Variants in SYT7 observed in about 807,000 individuals in gnomAD.
SYT7 encodes synaptotagmin-7.
Under a neutral mutation model 75.1 loss-of-function variants are expected in SYT7, and 29 were observed. The observed-to-expected ratio is 0.39, with a 90% CI of 0.29 to 0.53. SYT7 has a LOEUF of 0.53. SYT7 is among the 20% of genes least tolerant of loss of function. The pLI is 0.77. For missense variants in SYT7, 693 were observed against 953.2 expected (o/e 0.73, Z 3.59); for synonymous variants, 376 against 401.7 (o/e 0.94, Z 0.76).
Position 61,517,173 on chromosome 11 carries a change from A to C in SYT7, c.*1454T>G. On this transcript the variant is annotated 3_prime_UTR_variant, in exon 13 of 13. Transcript: ENST00000539008. ...CCCCAGGATTGGAGGCTTTGTCACC[A>C]GCTGGGTCTTGTATCAATACCAGGA... 2.5e-6 allele frequency: 1 copy of C among 398,340 alleles called. No homozygotes were observed. The highest frequency in any genetic ancestry group is 4.4e-6 in the Non-Finnish European group (1 of 226,006). 24.7% of individuals were successfully genotyped at this position (398,340 alleles called of 1,614,324 possible). A position where few individuals can be genotyped will look rare whatever the true frequency, so the allele number is the denominator to read the frequency against.
chr11:61,565,191 T>C (rs2063736303), intron 1 of SYT7, among the ~76,000 whole-genome samples: 1 of 152,030 alleles, frequency 6.6e-6, no homozygotes, highest in East Asian at 1.9e-4. Context: ...TGGGAAACAG[T>C]GAAAGCTGGA....
In SYT7 at chr11:61,553,202, A is replaced by G. The variant is rs1487723383; in HGVS notation, c.136-1739T>C. ...TCACTACCCAGAGGTCCAAATCTCA[A>G]ACAATTCCCAGTTCCAACTGGGAAG... On this transcript the variant is annotated intron_variant, in intron 2 of 12. Transcript: ENST00000539008. This position sits in a 1 kb window ranked among gnomAD's most constrained non-coding sequence, Gnocchi z 5.2. 6.6e-6 allele frequency among the ~76,000 whole-genome samples: 1 copy of G among 152,234 alleles called. No individual in the cohort carries two copies. Among genetic ancestry groups the G allele is most frequent in the Non-Finnish European group, 1.5e-5 (1 of 68,040 alleles).
rs560933104 is a variant in SYT7 at position 61,517,691 on chromosome 11, C to T, written c.*936G>A. On this transcript the variant is annotated 3_prime_UTR_variant, in exon 13 of 13. Coordinates refer to ENST00000539008, the MANE Select transcript of SYT7 (RefSeq NM_001365809.2). ...AGTTAGGGCAAAGCTAGTCGGGGCT[C>T]GGGACCCCCTGAGAAGGAAGGGAGA... The T allele has an allele frequency of 1.2e-4, 47 of 397,964 alleles. No homozygotes were observed. Among genetic ancestry groups the T allele is most frequent in the Admixed American group, 6.6e-4 (15 of 22,706 alleles). 24.7% of individuals were successfully genotyped at this position (397,964 alleles called of 1,614,324 possible).
chr11:61,514,342 G>T lies in SYT7; in HGVS notation c.*4285C>A, dbSNP rs1304662813. On this transcript the variant is annotated 3_prime_UTR_variant, in exon 13 of 13. Coordinates refer to ENST00000539008, the MANE Select transcript of SYT7 (RefSeq NM_001365809.2). ...GAGATCAGAAGTGATATCTAAACCA[G>T]GTTGTGGGAAATGAGGGACAGACAG... Among the ~76,000 whole-genome samples, 3 of 152,222 alleles carry T rather than the reference G, an allele frequency of 2.0e-5. No individual in the cohort carries two copies. Among genetic ancestry groups the T allele is most frequent in the African/African-American group, 7.2e-5 (3 of 41,458 alleles).
rs1238692074 is a variant in SYT7, at chr11:61,514,263, G to A, written c.*4364C>T. On this transcript the variant is annotated 3_prime_UTR_variant, in exon 13 of 13. Coordinates refer to ENST00000539008, the MANE Select transcript of SYT7 (RefSeq NM_001365809.2). The stretch of plus-strand genomic sequence containing the variant: ...CGCCTGAACAGAAGCTCTGGCCAAG[G>A]GAGCCCCTGAGGCTACTTACCTGAC... Among the ~76,000 whole-genome samples the A allele has an allele frequency of 6.6e-6, 1 of 152,246 alleles. No homozygotes were observed. The highest frequency in any genetic ancestry group is 2.4e-5 in the African/African-American group (1 of 41,466).
chr11:61,577,692 T>C (rs2064122403), intron 1 of SYT7, among the ~76,000 whole-genome samples: 1 of 152,054 alleles, frequency 6.6e-6, no homozygotes, highest in East Asian at 1.9e-4. Context: ...CCTAGTGGAG[T>C]GTCTGTAGGG....
In SYT7 at chr11:61,581,036, A is replaced by G. The variant is rs1453671152; in HGVS notation, c.-216T>C. 1 of 759,268 alleles carries G rather than the reference A, an allele frequency of 1.3e-6. No individual in the cohort carries two copies. Among genetic ancestry groups the G allele is most frequent in the Non-Finnish European group, 1.6e-6 (1 of 629,154 alleles). The allele number at this position is 759,268 out of a possible 1,614,324, so 47.0% of individuals were successfully genotyped here. On this transcript the variant is annotated 5_prime_UTR_variant, in exon 1 of 13. Transcript: ENST00000539008. ...GAGCACGCTGCCGCCGCCGCCGAAC[A>G]GCGCCGAGCCGCCTCCCTCCGGCCT...
chr11:61,545,930 C>A, intron 5 of SYT7, 101 bp downstream of exon 5: 1 of 1,116,134 alleles, frequency 9.0e-7, no homozygotes, highest in Non-Finnish European at 1.3e-6. Context: ...GAGGACGGCA[C>A]CTCTGGGGGC....
At position 61,523,126 on chromosome 11, in the gene SYT7, G is replaced by A. The variant is rs1018172501; in HGVS notation, c.1905C>T (p.Ile635=). 5 of 1,614,080 alleles carry A rather than the reference G, an allele frequency of 3.1e-6. No homozygotes were observed. The African/African-American group carries it at 4.0e-5, about 13-fold the overall frequency. The stretch of plus-strand genomic sequence containing the variant: ...GCTTGTCCTTGTCCATGACAGTGAT[G>A]ATGATGGTCGTCTCCCTCAGCTTCT... ...PTEKLRETTI[I]ITVMDKDKLS... Residue 635 remains isoleucine, a synonymous_variant, in exon 12 of 13, where the codon ATC becomes ATT. Transcript: ENST00000539008. The surrounding 1 kb of genome is among the most constrained non-coding windows in gnomAD (Gnocchi z 5.0).
intron 3 of SYT7, among the ~76,000 whole-genome samples, chr11:61,549,843 C>T (rs1011948902): frequency 3.9e-5 from 6 of 152,190 alleles, no homozygotes; most frequent in African/African-American, 9.7e-5. Context: ...CAGCCTGCTG[C>T]CCGCCCTCCC....
At chr11:61,525,913 A>G (rs2062499915) in intron 9 of SYT7, 1 of 152,604 alleles carries the variant, frequency 6.6e-6, no homozygotes, top group Non-Finnish European at 1.5e-5. Flanking sequence ...GGGCCAGGTG[A>G]AGGTCTGAAG....
intron 1 of SYT7, among the ~76,000 whole-genome samples, chr11:61,579,435 G>A (rs1290425294): frequency 3.3e-5 from 5 of 152,246 alleles, no homozygotes. Flanking sequence ...TCCAGAGAAG[G>A]AGACTGAATC....
intron 1 of SYT7, among the ~76,000 whole-genome samples, chr11:61,557,334 TG>T (rs1406402573): frequency 1.3e-5 from 2 of 152,222 alleles, no homozygotes; most frequent in Admixed American, 1.3e-4. Context: ...CCAGTGATCA[TG>T]GTAATTAAGA....
chr11:61,545,810 A>G (rs1321081881), intron 5 of SYT7, among the ~76,000 whole-genome samples: 2 of 152,216 alleles, frequency 1.3e-5, no homozygotes, highest in Non-Finnish European at 2.9e-5. Context: ...GAAGGGACTG[A>G]TGGGGCATCA....
At chr11:61,574,792 C>T (rs907741906) in intron 1 of SYT7, among the ~76,000 whole-genome samples, 10 of 152,160 alleles carry the variant, frequency 6.6e-5, no homozygotes, top group South Asian at 4.1e-4. Context: ...TGCTGGCCGC[C>T]GCTCTCTGGC....
chr11:61,530,816 C>T, intron 8 of SYT7: 1 of 985,398 alleles, frequency 1.0e-6, no homozygotes, highest in Non-Finnish European at 1.2e-6. Flanking sequence ...CTTCTTAAGC[C>T]ACAACCCTGA....
At chr11:61,562,408 CAT>C (rs2063661582) in intron 1 of SYT7, among the ~76,000 whole-genome samples, 1 of 152,144 alleles carries the variant, frequency 6.6e-6, no homozygotes, top group Admixed American at 6.5e-5. Flanking sequence ...AGTATAGTCT[CAT>C]AGGACTATGG....
At chr11:61,531,166 T>A in intron 8 of SYT7, 1 of 981,858 alleles carries the variant, frequency 1.0e-6, no homozygotes, top group East Asian at 1.1e-4. Flanking sequence ...GCTGTTAACA[T>A]CAACGACCTA....
At chr11:61,520,495 C>A (rs1465589418) in intron 12 of SYT7, among the ~76,000 whole-genome samples, 1 of 151,728 alleles carries the variant, frequency 6.6e-6, no homozygotes, top group African/African-American at 2.4e-5. Context: ...CACTGCACTC[C>A]AGCCTGGACT....
Sources: gnomAD v4.1 joint callset for allele counts (sites outside exome capture counted in the v4.1 genomes callset) on GRCh38, gnomAD v4.1.1 for gene constraint, Gnocchi (gnomAD v3.1) non-coding constraint, MANE v1.5 for transcripts, NCBI Gene and HGNC (gene_info 2026-07-23, HGNC 2026-07-21) for gene names.